MOK: variants seen among roughly 807,000 people sequenced by gnomAD.
The protein encoded by MOK is MAPK/MAK/MRK overlapping kinase.
MOK carries 59 observed loss-of-function variants against 54.2 expected under a neutral mutation model. The observed-to-expected ratio is 1.09, with a 90% CI of 0.88 to 1.35. The LOEUF is 1.35. Ranked by LOEUF, MOK falls within the 40% of genes most tolerant of loss-of-function variation. The pLI is 0.00. For synonymous variants in MOK, 210 were observed against 202.7 expected (o/e 1.04, Z -0.31); for missense variants, 517 against 526.2 (o/e 0.98, Z 0.17).
intron 6 of MOK, 196 bp downstream of exon 6, chr14:102,251,560 G>A: frequency 1.5e-6 from 1 of 656,532 alleles, no homozygotes; most frequent in South Asian, 1.5e-5. Context: ...TTTCTTCCAG[G>A]TGCAGTCAGT....
At position 102,235,704 on chromosome 14, in the gene MOK, C is replaced by T. The variant is rs564705513; in HGVS notation, c.591-1915G>A. 6.6e-6 allele frequency: 1 copy of T among 152,342 alleles called. No homozygotes were observed. The highest frequency in any genetic ancestry group is 2.4e-5 in the African/African-American group (1 of 41,576). 9.4% of individuals were successfully genotyped at this position (152,342 alleles called of 1,614,324 possible). On this transcript the variant is annotated intron_variant, in intron 7 of 11. Transcript: ENST00000361847. This position sits in a 1 kb window ranked among gnomAD's most constrained non-coding sequence, Gnocchi z 4.4. ...GCCTTACAGAGACTCTCCAAAAATA[C>T]ACGCGTGTCGATCCCGCCTCCCGGG... is the stretch of plus-strand genomic sequence containing the variant.
chr14:102,285,027 G>A (rs1326932085), intron 1 of MOK, among the ~76,000 whole-genome samples: 3 of 147,944 alleles, frequency 2.0e-5, no homozygotes, highest in African/African-American at 7.6e-5. Context: ...AAGTTGCAGT[G>A]AGCCAAGATC....
chr14:102,261,636 C>T (rs187962877), intron 4 of MOK, among the ~76,000 whole-genome samples: 42 of 147,302 alleles, frequency 2.9e-4, no homozygotes, highest in Non-Finnish European at 5.2e-4. Context: ...CAGGTTCAAG[C>T]GATTCTCCTG....
chr14:102,248,747 C>T (rs2066294692), intron 7 of MOK, among the ~76,000 whole-genome samples: 1 of 137,496 alleles, frequency 7.3e-6, no homozygotes, highest in African/African-American at 2.8e-5. Context: ...CACTGCACTC[C>T]AGTCTGGGCG....
At chr14:102,261,419 ATATATAT>A (rs1457306159) in intron 4 of MOK, among the ~76,000 whole-genome samples, 15 of 11,370 alleles carry the variant, frequency 1.3e-3, no homozygotes, top group Non-Finnish European at 2.1e-3. Flanking sequence ...AAAAAAAAAA[ATATATAT>A]ATATATATAT....
At position 102,283,719 on chromosome 14, in the gene MOK, T is replaced by C. The variant is rs994512230; in HGVS notation, c.8-127A>G. On this transcript the variant is annotated intron_variant, in intron 1 of 11. Transcript: ENST00000361847. ...AATATACTGAGAATTGTTTCTCCTA[T>C]CTTTGTAAGATTTAGTGGTCCCCTC... 7 of 593,764 alleles carry C rather than the reference T, an allele frequency of 1.2e-5. No homozygotes were observed. The African/African-American group carries it at 1.3e-4, about 11-fold the overall frequency. The allele number at this position is 593,764 out of a possible 1,614,324, so 36.8% of individuals were successfully genotyped here.
chr14:102,233,693 G>T lies in MOK; in HGVS notation c.687C>A (p.Phe229Leu). 2 of 1,612,326 alleles carry T rather than the reference G, an allele frequency of 1.2e-6. No individual in the cohort carries two copies. The highest frequency in any genetic ancestry group is 2.2e-5 in the South Asian group (2 of 91,018). The change falls in exon 8 of 12, where the codon TTC (phenylalanine) becomes TTA (leucine). Residue 229 changes from phenylalanine to leucine, a missense_variant. Phe to Leu is a conservative substitution (Grantham distance 22). Transcript: ENST00000361847. ...GTPAQKILTK[F>L]KQSRAMNFDF... ...TCTCAGAACACAATACTTACTGTTTGAACTTGGTGAGGATCTTCTGAGCGG... is the reference window on the plus strand; with the variant it reads ...TCTCAGAACACAATACTTACTGTTTTAACTTGGTGAGGATCTTCTGAGCGG...
chr14:102,261,385 C>CAAAAAAAA (rs1178540689), intron 4 of MOK, among the ~76,000 whole-genome samples: 1 of 6,488 alleles, frequency 1.5e-4, no homozygotes, highest in African/African-American at 4.8e-4. Context: ...CGCCACGTCT[C>CAAAAAAAA]AAAAAAAAAA....
At chr14:102,215,665 A>G in the MOK span, among the ~76,000 whole-genome samples, 5 of 152,004 alleles carry the variant, frequency 3.3e-5, no homozygotes, top group African/African-American at 1.2e-4. Context: ...TTTCCTGGCT[A>G]GAGTTCATTG....
chr14:102,247,200 T>TA, intron 7 of MOK, among the ~76,000 whole-genome samples: 1 of 152,144 alleles, frequency 6.6e-6, no homozygotes, highest in Non-Finnish European at 1.5e-5. Context: ...GCCCCCAGCC[T>TA]AAAGCAAACA....
At chr14:102,227,034 A>C (rs1049818551), downstream of MOK, among the ~76,000 whole-genome samples, 3 of 152,142 alleles carry the variant, frequency 2.0e-5, no homozygotes, top group Admixed American at 6.5e-5. Flanking sequence ...TCTTGCCTCC[A>C]GAGGGCCCCC....
intron 1 of MOK, among the ~76,000 whole-genome samples, chr14:102,300,902 G>C (rs1303792445): frequency 1.3e-5 from 2 of 152,124 alleles, no homozygotes; most frequent in Non-Finnish European, 2.9e-5. Flanking sequence ...TTCTTGACCA[G>C]CCTGAACAAC....
chr14:102,279,926 G>T (rs999740486), intron 2 of MOK, among the ~76,000 whole-genome samples: 1 of 151,926 alleles, frequency 6.6e-6, no homozygotes, highest in Non-Finnish European at 1.5e-5. Context: ...AATACTGGAG[G>T]GGGTAGGGGT....
At chr14:102,226,398 C>T (rs553365650), downstream of MOK, 99 of 703,064 alleles carry the variant, frequency 1.4e-4, 1 homozygote, top group African/African-American at 9.9e-4. This position sits in a 1 kb window ranked among gnomAD's most constrained non-coding sequence, Gnocchi z 4.8. Flanking sequence ...TCCTCGCTTC[C>T]GTTCTGGGTT....
intron 7 of MOK, among the ~76,000 whole-genome samples, chr14:102,234,601 C>T (rs770272870): frequency 6.6e-6 from 1 of 152,132 alleles, no homozygotes; most frequent in Non-Finnish European, 1.5e-5. Context: ...TACCCCCCTC[C>T]CTTCCATTCA....
At chr14:102,278,450 C>T (rs1016126567) in intron 2 of MOK, among the ~76,000 whole-genome samples, 1 of 150,854 alleles carries the variant, frequency 6.6e-6, no homozygotes, top group Non-Finnish European at 1.5e-5. Flanking sequence ...TATAACCTTA[C>T]ACAGCAGACT....
chr14:102,284,482 T>C (rs961929941), intron 1 of MOK, among the ~76,000 whole-genome samples: 1 of 151,932 alleles, frequency 6.6e-6, no homozygotes, highest in Non-Finnish European at 1.5e-5. Flanking sequence ...AAGACAAAGA[T>C]AAGTACAGGC....
At chr14:102,284,703 T>C (rs1002773764) in intron 1 of MOK, among the ~76,000 whole-genome samples, 1 of 152,198 alleles carries the variant, frequency 6.6e-6, no homozygotes. Flanking sequence ...TTACAATCTC[T>C]GGGCATTTGT....
chr14:102,293,193 T>C (rs1308511069), intron 1 of MOK, among the ~76,000 whole-genome samples: 1 of 152,104 alleles, frequency 6.6e-6, no homozygotes, highest in African/African-American at 2.4e-5. Flanking sequence ...ATTCACAGTG[T>C]CACAAAAGTA....
Sources: gnomAD v4.1 joint callset for allele counts (sites outside exome capture counted in the v4.1 genomes callset) on GRCh38, gnomAD v4.1.1 for gene constraint, Gnocchi (gnomAD v3.1) non-coding constraint, MANE v1.5 for transcripts, NCBI Gene and HGNC (gene_info 2026-07-23, HGNC 2026-07-21) for gene names.